The following NPSR1 variants were observed in gnomAD, a reference collection of about 807,000 sequenced individuals.
NPSR1 encodes the protein neuropeptide S receptor.
A neutral mutation model predicts 46.9 loss-of-function variants in NPSR1; 48 were observed. The ratio of observed to expected loss-of-function variants is 1.02; its 90% CI spans 0.81 to 1.30. NPSR1 has a LOEUF of 1.30. Among genes scored for constraint, NPSR1 ranks in the 50% most tolerant of loss-of-function variants. The pLI, the probability that NPSR1 is intolerant of heterozygous loss-of-function variation, is 0.00. For missense variants in NPSR1, 450 were observed against 449.5 expected (o/e 1.00, Z -0.01); for synonymous variants, 176 against 168.1 (o/e 1.05, Z -0.36).
At chr7:34,747,305 C>T (rs914487529) in intron 2 of NPSR1, among the ~76,000 whole-genome samples, 1 of 152,100 alleles carries the variant, frequency 6.6e-6, no homozygotes, top group Admixed American at 6.5e-5. Flanking sequence ...GCGAGTAAGG[C>T]ACAGGGGCCC....
In NPSR1 at chr7:34,728,054, A is replaced by ATT. The variant is rs201589300; in HGVS notation, c.280+43380_280+43381dup. 1.1e-3 allele frequency among the ~76,000 whole-genome samples: 163 copies of ATT among 146,834 alleles called. 1 individual carries two copies. The highest frequency in any genetic ancestry group is 1.8e-3 in the Non-Finnish European group (118 of 66,458). On this transcript the variant is annotated intron_variant, in intron 2 of 8. Transcript: ENST00000360581. ...GGAAGAAAAACAAAAAACTGCCTTT[A>ATT]TTTTTTTTTTTGAGGTGTAAGTTTT...
intron 2 of NPSR1, among the ~76,000 whole-genome samples, chr7:34,685,360 G>C (rs35748516): frequency 5.6e-4 from 86 of 152,238 alleles, no homozygotes; most frequent in African/African-American, 2.0e-3. Flanking sequence ...AACACAACCA[G>C]GGAAAGAGTC....
chr7:34,797,939 C>T (rs982483516), intron 3 of NPSR1, among the ~76,000 whole-genome samples: 1 of 151,966 alleles, frequency 6.6e-6, no homozygotes, highest in African/African-American at 2.4e-5. Flanking sequence ...AATTATTCTT[C>T]AAAAGTGAAG....
At chr7:34,856,502 T>C (rs1364186609) in intron 8 of NPSR1, among the ~76,000 whole-genome samples, 1 of 151,622 alleles carries the variant, frequency 6.6e-6, no homozygotes, top group Non-Finnish European at 1.5e-5. Context: ...ATCGGAGTGA[T>C]TGGCCAATAC....
Position 34,790,741 on chromosome 7 carries a change from TATATA to T in NPSR1, c.384+12182_384+12186del, listed in dbSNP as rs1186993441. 3.4e-4 allele frequency among the ~76,000 whole-genome samples: 40 copies of T among 119,358 alleles called. 4 individuals carry two copies. The highest frequency in any genetic ancestry group is 1.2e-3 in the South Asian group (5 of 4,310). The allele number at this position is 119,358 out of a possible 152,430, so 78.3% of individuals were successfully genotyped here. A position where few individuals can be genotyped will look rare whatever the true frequency, so the allele number is the denominator to read the frequency against. ...AATATATGTTATATGTTATATGTTA[TATATA>T]ATATATGTTATATGTTATATATAAT... On this transcript the variant is annotated intron_variant, in intron 3 of 8. Coordinates refer to ENST00000360581, the MANE Select transcript of NPSR1 (RefSeq NM_207172.2).
chr7:34,665,727 T>G (rs898684002), intron 1 of NPSR1, among the ~76,000 whole-genome samples: 6 of 152,216 alleles, frequency 3.9e-5, no homozygotes. Flanking sequence ...ACTACCCTTC[T>G]GCTCCTAAAG....
chr7:34,873,133 C>A (rs1010429079), intron 8 of NPSR1, among the ~76,000 whole-genome samples: 2 of 151,838 alleles, frequency 1.3e-5, no homozygotes, highest in African/African-American at 4.9e-5. Context: ...TGACTTTACT[C>A]CAGTTCCTAA....
chr7:34,658,634 A>C (rs538181565), intron 1 of NPSR1, 75 bp downstream of exon 1: 1 of 1,417,574 alleles, frequency 7.1e-7, no homozygotes, highest in African/African-American at 1.4e-5. Flanking sequence ...TGTCAATTGA[A>C]GTATCATAGC....
At chr7:34,842,337 A>C (rs1329869525) in intron 6 of NPSR1, among the ~76,000 whole-genome samples, 1 of 152,208 alleles carries the variant, frequency 6.6e-6, no homozygotes, top group Non-Finnish European at 1.5e-5. Context: ...CCTAGAAATC[A>C]AGGTTTCTCA....
intron 8 of NPSR1, among the ~76,000 whole-genome samples, chr7:34,863,300 C>G (rs1168960658): frequency 6.6e-6 from 1 of 151,726 alleles, no homozygotes; most frequent in Admixed American, 6.6e-5. Context: ...CTAGGCAATA[C>G]CATTAGGACA....
intron 2 of NPSR1, among the ~76,000 whole-genome samples, chr7:34,703,677 G>T (rs1793962148): frequency 3.3e-5 from 5 of 152,012 alleles, no homozygotes; most frequent in Admixed American, 3.3e-4. Flanking sequence ...TAATCTTGAG[G>T]TTAGAAAGAA....
chr7:34,685,759 G>A (rs1401038240), intron 2 of NPSR1: 2 of 388,438 alleles, frequency 5.1e-6, no homozygotes, highest in Non-Finnish European at 1.0e-5. Context: ...AGTATAACAA[G>A]CCCACCTGCT....
intron 8 of NPSR1, among the ~76,000 whole-genome samples, chr7:34,859,925 C>T (rs1437339952): frequency 1.3e-5 from 2 of 151,706 alleles, no homozygotes; most frequent in Non-Finnish European, 2.9e-5. Flanking sequence ...TGTAGGCCTC[C>T]TTTGCTTACA....
chr7:34,823,689 A>C (rs1398584770), intron 4 of NPSR1, among the ~76,000 whole-genome samples: 1 of 152,138 alleles, frequency 6.6e-6, no homozygotes, highest in African/African-American at 2.4e-5. Context: ...AAGGAATAAC[A>C]AGAACTGAGA....
intron 8 of NPSR1, among the ~76,000 whole-genome samples, chr7:34,875,386 G>A (rs570050938): frequency 2.6e-5 from 4 of 152,134 alleles, no homozygotes; most frequent in Non-Finnish European, 4.4e-5. Context: ...AGATTGAGAA[G>A]CCCTCTTCTA....
chr7:34,662,430 C>T (rs2128669036), intron 1 of NPSR1, among the ~76,000 whole-genome samples: 1 of 152,130 alleles, frequency 6.6e-6, no homozygotes, highest in African/African-American at 2.4e-5. Context: ...TCACGCTATG[C>T]TTTTGCAAGG....
intron 8 of NPSR1, among the ~76,000 whole-genome samples, chr7:34,870,715 C>T (rs1421169700): frequency 1.3e-5 from 2 of 151,868 alleles, no homozygotes; most frequent in African/African-American, 2.4e-5. Flanking sequence ...CCAGAAGTGA[C>T]CACAATTAAT....
intron 2 of NPSR1, among the ~76,000 whole-genome samples, chr7:34,706,686 T>C: frequency 6.6e-6 from 1 of 152,170 alleles, no homozygotes; most frequent in East Asian, 1.9e-4. Flanking sequence ...ACTGTCAAAG[T>C]GTCCCCAAAA....
At chr7:34,713,102 A>G (rs1001341245) in intron 2 of NPSR1, among the ~76,000 whole-genome samples, 1 of 152,198 alleles carries the variant, frequency 6.6e-6, no homozygotes, top group Non-Finnish European at 1.5e-5. Flanking sequence ...TGTGATTGTT[A>G]AGAAGGAACA....
Sources: allele counts gnomAD v4.1 joint callset (sites outside exome capture counted in the v4.1 genomes callset), GRCh38; gene constraint gnomAD v4.1.1; transcripts MANE v1.5; gene names NCBI Gene and HGNC (gene_info 2026-07-23, HGNC 2026-07-21).